LOC400499: variants seen among roughly 807,000 people sequenced by gnomAD.
chr16:11,385,085 G>A, the LOC400499 span: 8 of 1,232,240 alleles, frequency 6.5e-6, no homozygotes, highest in Non-Finnish European at 7.1e-6. Context: ...AGAGGGGGCT[G>A]GGCAGGAGGT....
At chr16:11,401,247 C>T in the LOC400499 span, 3 of 399,080 alleles carry the variant, frequency 7.5e-6, no homozygotes, top group East Asian at 3.6e-5. Flanking sequence ...CCAAGGGCGC[C>T]TGGGACATCC....
At chr16:11,448,304 C>T in the LOC400499 span, among the ~76,000 whole-genome samples, 10 of 152,346 alleles carry the variant, frequency 6.6e-5, no homozygotes, top group African/African-American at 9.6e-5. Flanking sequence ...GAAAGAAGAA[C>T]TTGGACTTCT....
the LOC400499 span, among the ~76,000 whole-genome samples, chr16:11,527,046 G>A: frequency 2.6e-5 from 4 of 152,214 alleles, no homozygotes; most frequent in African/African-American, 9.6e-5. Context: ...AATCCCCGGC[G>A]CATCTGGACT....
chr16:11,401,735 G>C, the LOC400499 span, among the ~76,000 whole-genome samples: 1 of 152,216 alleles, frequency 6.6e-6, no homozygotes, highest in Non-Finnish European at 1.5e-5. Flanking sequence ...TCTGAACACG[G>C]GCCCATTAAT....
At chr16:11,503,829 C>A in the LOC400499 span, among the ~76,000 whole-genome samples, 1 of 152,250 alleles carries the variant, frequency 6.6e-6, no homozygotes, top group African/African-American at 2.4e-5. Context: ...TGCAGGCTAA[C>A]TGCCACCATC....
the LOC400499 span, chr16:11,390,542 C>T: frequency 2.7e-6 from 3 of 1,128,246 alleles, no homozygotes; most frequent in Non-Finnish European, 3.4e-6. Flanking sequence ...CGCCAGGCCT[C>T]GAGGAGATAG....
chr16:11,439,234 T>C, the LOC400499 span, among the ~76,000 whole-genome samples: 9 of 152,282 alleles, frequency 5.9e-5, no homozygotes, highest in African/African-American at 2.2e-4. Flanking sequence ...CTTCTGCCCA[T>C]TTTCAAGAGT....
chr16:11,393,426 G>A, the LOC400499 span: 1 of 1,232,292 alleles, frequency 8.1e-7, no homozygotes. Flanking sequence ...CAGACAGCTT[G>A]GGGCCCGGAA....
chr16:11,392,703 A>G, the LOC400499 span: 1 of 871,058 alleles, frequency 1.1e-6, no homozygotes, highest in Non-Finnish European at 1.4e-6. Context: ...CACGGCAGTC[A>G]GTTAGGGATG....
chr16:11,372,964 C>T, the LOC400499 span, among the ~76,000 whole-genome samples: 6 of 152,258 alleles, frequency 3.9e-5, no homozygotes, highest in Non-Finnish European at 5.9e-5. Flanking sequence ...GTGCTAGGCC[C>T]AGCCTGCTGA....
At chr16:11,480,792 G>A in the LOC400499 span, among the ~76,000 whole-genome samples, 2,793 of 152,264 alleles carry the variant, frequency 0.018, 78 homozygotes, top group African/African-American at 0.064. Flanking sequence ...AGAAATTGTT[G>A]TTTGTTCACA....
At chr16:11,461,271 A>G in the LOC400499 span, among the ~76,000 whole-genome samples, 1 of 152,226 alleles carries the variant, frequency 6.6e-6, no homozygotes, top group Non-Finnish European at 1.5e-5. Context: ...ACAACAGGCC[A>G]CAGACAGGCC....
chr16:11,510,378 C>A, the LOC400499 span, among the ~76,000 whole-genome samples: 1 of 151,798 alleles, frequency 6.6e-6, no homozygotes, highest in Non-Finnish European at 1.5e-5. Context: ...ACACAGAGGT[C>A]GTGCCTGCCC....
chr16:11,459,053 A>T, the LOC400499 span, among the ~76,000 whole-genome samples: 7 of 151,760 alleles, frequency 4.6e-5, no homozygotes, highest in East Asian at 3.9e-4. Flanking sequence ...AATAAAAAAT[A>T]AAATAAATAA....
the LOC400499 span, among the ~76,000 whole-genome samples, chr16:11,451,048 G>A: frequency 1.3e-5 from 2 of 152,176 alleles, no homozygotes; most frequent in African/African-American, 2.4e-5. Context: ...ATCGCACCAT[G>A]GAGATTTATA....
chr16:11,407,978 T>TTTTTTTTTTG, the LOC400499 span, among the ~76,000 whole-genome samples: 3 of 138,176 alleles, frequency 2.2e-5, 1 homozygote, highest in African/African-American at 8.2e-5. Flanking sequence ...CTGTTTTTTT[T>TTTTTTTTTTG]TTTTTTTTTT....
At chr16:11,458,260 T>C in the LOC400499 span, among the ~76,000 whole-genome samples, 377 of 152,210 alleles carry the variant, frequency 2.5e-3, 3 homozygotes, top group African/African-American at 8.7e-3. Flanking sequence ...GCAGGGAGAA[T>C]TGCTTGAACC....
the LOC400499 span, among the ~76,000 whole-genome samples, chr16:11,429,952 A>G: frequency 6.6e-6 from 1 of 152,172 alleles, no homozygotes; most frequent in Non-Finnish European, 1.5e-5. Context: ...GTTACTTATT[A>G]ATTACAAAGG....
the LOC400499 span, among the ~76,000 whole-genome samples, chr16:11,492,619 C>T: frequency 2.0e-5 from 3 of 151,810 alleles, no homozygotes; most frequent in African/African-American, 7.3e-5. Flanking sequence ...CCCATCTCTA[C>T]TAAAATTACA....
Sources: gnomAD v4.1 joint callset for allele counts (sites outside exome capture counted in the v4.1 genomes callset) on GRCh38, gnomAD v4.1.1 for gene constraint, MANE v1.5 for transcripts.